Variants in FLOT1 observed in about 807,000 individuals in gnomAD.
FLOT1 encodes the protein flotillin 1.
A neutral mutation model predicts 58.4 loss-of-function variants in FLOT1; 40 were observed. That is an observed-to-expected ratio of 0.69 (90% confidence interval 0.53 to 0.89). The LOEUF is 0.89. Ranked by LOEUF, FLOT1 falls within the 40% of genes least tolerant of loss-of-function variation. The pLI is 0.00. For missense variants in FLOT1, 423 were observed against 540.8 expected, an observed-to-expected ratio of 0.78 and a Z score of 2.16; for synonymous variants, 178 against 204.2, an observed-to-expected ratio of 0.87 and a Z score of 1.09.
intron 8 of FLOT1, among the ~76,000 whole-genome samples, chr6:30,734,345 G>C (rs1411853419): frequency 6.9e-6 from 1 of 144,442 alleles, no homozygotes; most frequent in Non-Finnish European, 1.5e-5. Context: ...GTCTCGCTCT[G>C]TCACCCAGGC....
At chr6:30,731,124 T>G (rs1466440607) in intron 8 of FLOT1, 24 bp from the exon 9 acceptor site, 1 of 1,578,288 alleles carries the variant, frequency 6.3e-7, no homozygotes, top group African/African-American at 1.3e-5. Context: ...TGAAGTCAGG[T>G]TCACGCTCTG....
rs548658848 is a variant in FLOT1, at chr6:30,732,181, C to A, written c.724-1081G>T. ...ACGGGGTTTCACCATGTTGGCCAGGCTGGTCTCAAACTCCTGATCTCAAGT... is the reference window on the plus strand; with the variant it reads ...ACGGGGTTTCACCATGTTGGCCAGGATGGTCTCAAACTCCTGATCTCAAGT... On this transcript the variant is annotated intron_variant, in intron 8 of 12. Transcript: ENST00000376389. Among the ~76,000 whole-genome samples the A allele has an allele frequency of 4.6e-5, 7 of 152,118 alleles. No homozygotes were observed. The South Asian group carries it at 1.5e-3, about 32-fold the overall frequency.
chr6:30,741,960 G>A lies in FLOT1; in HGVS notation c.44-93C>T, dbSNP rs1778023497. On this transcript the variant is annotated intron_variant, in intron 2 of 12. Transcript: ENST00000376389. The surrounding 1 kb of genome is among the most constrained non-coding windows in gnomAD (Gnocchi z 5.9). ...GGTGAGGGGACAGCAACCCACAGGA[G>A]AGAATCTGGGAGCTGGAGGGGAAGC... 4.7e-6 allele frequency: 6 copies of A among 1,268,858 alleles called. No homozygotes were observed. The highest frequency in any genetic ancestry group is 6.8e-6 in the Non-Finnish European group (6 of 879,354). 78.6% of individuals were successfully genotyped at this position (1,268,858 alleles called of 1,614,324 possible).
At position 30,741,433 on chromosome 6, in the gene FLOT1, C is replaced by T. The variant is rs1220723234; in HGVS notation, c.211-100G>A. On this transcript the variant is annotated intron_variant, in intron 4 of 12. Transcript: ENST00000376389. This position sits in a 1 kb window ranked among gnomAD's most constrained non-coding sequence, Gnocchi z 5.9. ...AGAGCCCTCTAAGAAATGCTTCTTC[C>T]ATTTCAGGGAAAGAAAGGAGGAGGA... The T allele has an allele frequency of 1.3e-6, 2 of 1,499,052 alleles. No individual in the cohort carries two copies. The highest frequency in any genetic ancestry group is 2.3e-5 in the East Asian group (1 of 44,248). 92.9% of individuals were successfully genotyped at this position (1,499,052 alleles called of 1,614,324 possible).
intron 9 of FLOT1, 22 bp downstream of exon 9, chr6:30,730,897 G>A: frequency 6.2e-7 from 1 of 1,605,874 alleles, no homozygotes; most frequent in Non-Finnish European, 8.5e-7. Flanking sequence ...GAGCTAGGCA[G>A]GGTCAGGGAG....
intron 8 of FLOT1, among the ~76,000 whole-genome samples, chr6:30,734,321 T>C (rs898148299): frequency 2.0e-5 from 3 of 151,520 alleles, no homozygotes; most frequent in Non-Finnish European, 4.4e-5. Flanking sequence ...TTTTTTTTTT[T>C]TTTTGGAGAT....
intron 12 of FLOT1, among the ~76,000 whole-genome samples, chr6:30,728,364 C>A (rs964763501): frequency 6.6e-6 from 1 of 152,170 alleles, no homozygotes; most frequent in Non-Finnish European, 1.5e-5. Flanking sequence ...TGTTTGCACA[C>A]TCTCCTTAGC....
chr6:30,740,260 G>A lies in FLOT1; in HGVS notation c.621C>T (p.Ile207=), dbSNP rs1182798081. The change falls in exon 8 of 13, where the codon ATC becomes ATT. Residue 207 remains isoleucine, a synonymous_variant. Coordinates refer to ENST00000376389, the MANE Select transcript of FLOT1 (RefSeq NM_005803.4). ...EKVSAQYLSE[I]EMAKAQRDYE... Reference sequence around the variant, plus strand: ...AATCTCTCTGTGCCTTGGCCATCTCGATCTCACTCAGGTACTGAGCAGACA... The same window carrying A: ...AATCTCTCTGTGCCTTGGCCATCTCAATCTCACTCAGGTACTGAGCAGACA... The A allele has an allele frequency of 6.2e-7, 1 of 1,612,950 alleles. No individual in the cohort carries two copies. Among genetic ancestry groups the A allele is most frequent in the Non-Finnish European group, 8.5e-7 (1 of 1,179,978 alleles).
At chr6:30,729,013 CGT>C (rs1231925465) in intron 12 of FLOT1, among the ~76,000 whole-genome samples, 1 of 151,056 alleles carries the variant, frequency 6.6e-6, no homozygotes, top group Non-Finnish European at 1.5e-5. Context: ...CTCCTGACCT[CGT>C]GATCCGCCCG....
At chr6:30,730,771 A>T (rs1408027030) in intron 9 of FLOT1, 44 bp from the exon 10 acceptor site, 6 of 1,609,958 alleles carry the variant, frequency 3.7e-6, no homozygotes. Context: ...AGCAGCCCTT[A>T]CTCCCAGGAG....
At position 30,730,045 on chromosome 6, in the gene FLOT1, G is replaced by GTCTT; in HGVS notation, c.1227_1230dup (p.Leu411LysfsTer35). The GTCTT allele has an allele frequency of 6.2e-7, 1 of 1,613,060 alleles. No individual in the cohort carries two copies. The highest frequency in any genetic ancestry group is 8.5e-7 in the Non-Finnish European group (1 of 1,180,022). On this transcript the variant is annotated frameshift_variant, in exon 12 of 13. Coordinates refer to ENST00000376389, the MANE Select transcript of FLOT1 (RefSeq NM_005803.4). LOFTEE classifies it high-confidence loss of function. ...ACCTGGGAGATGCTCACGCCTGTGA[G>GTCTT]TCTTTCCACACTCTCTGGCAGGCGA... is the stretch of plus-strand genomic sequence containing the variant.
Position 30,741,532 on chromosome 6 carries a change from CTG to C in FLOT1, c.210+80_210+81del. 7.5e-7 allele frequency: 1 copy of C among 1,325,622 alleles called. No homozygotes were observed. The highest frequency in any genetic ancestry group is 2.3e-5 in the East Asian group (1 of 43,602). 82.1% of individuals were successfully genotyped at this position (1,325,622 alleles called of 1,614,324 possible). ...TCTCTGCAGGCAAGGGTTGAGAAGA[CTG>C]TGGCCAGAAGATGTCTTAATGTCTG... On this transcript the variant is annotated intron_variant, in intron 4 of 12. Transcript: ENST00000376389. This position sits in a 1 kb window ranked among gnomAD's most constrained non-coding sequence, Gnocchi z 5.9.
At chr6:30,736,521 A>T (rs1777577043) in intron 8 of FLOT1, 1 of 148,334 alleles carries the variant, frequency 6.7e-6, no homozygotes, top group Non-Finnish European at 1.5e-5. Context: ...TTTTGGCTTT[A>T]GTGAGGTTTT....
At chr6:30,735,903 T>C (rs1777531806) in intron 8 of FLOT1, among the ~76,000 whole-genome samples, 2 of 152,120 alleles carry the variant, frequency 1.3e-5, no homozygotes. Context: ...TGACTTCCAG[T>C]TTCCAAAATG....
chr6:30,737,274 A>G lies in FLOT1; in HGVS notation c.723+2884T>C, dbSNP rs116266465. Among the ~76,000 whole-genome samples, 67 of 151,136 alleles carry G rather than the reference A, an allele frequency of 4.4e-4. No individual in the cohort carries two copies. Among genetic ancestry groups the G allele is most frequent in the African/African-American group, 1.2e-3 (49 of 41,018 alleles). ...CATCCGTCCATCCATCCATCCATAT[A>G]TCTATCTTAGAAGGAGTCTCGCTCT... On this transcript the variant is annotated intron_variant, in intron 8 of 12. Coordinates refer to ENST00000376389, the MANE Select transcript of FLOT1 (RefSeq NM_005803.4). The surrounding 1 kb of genome is among the most constrained non-coding windows in gnomAD (Gnocchi z 4.4).
chr6:30,732,446 G>A (rs1317121349), intron 8 of FLOT1, among the ~76,000 whole-genome samples: 2 of 151,686 alleles, frequency 1.3e-5, no homozygotes, highest in Non-Finnish European at 2.9e-5. Context: ...TGACCTGCCT[G>A]GGCTCAGATG....
In FLOT1 at chr6:30,730,416, T is replaced by C. The variant is rs1255566485; in HGVS notation, c.1089+12A>G. 3 of 1,552,772 alleles carry C rather than the reference T, an allele frequency of 1.9e-6. No individual in the cohort carries two copies. Among genetic ancestry groups the C allele is most frequent in the East Asian group, 4.5e-5 (2 of 44,310 alleles). On this transcript the variant is annotated intron_variant, in intron 11 of 12. Coordinates refer to ENST00000376389, the MANE Select transcript of FLOT1 (RefSeq NM_005803.4). ...ATTTCCTCCTTTCTTGGTGCCCACA[T>C]GACCTCCAGACCTGGGGCAGCTTCT...
At chr6:30,730,322 A>C (rs1042079304) in intron 11 of FLOT1, 106 bp downstream of exon 11, 1 of 1,496,000 alleles carries the variant, frequency 6.7e-7, no homozygotes, top group Non-Finnish European at 9.1e-7. Context: ...CCCACCCCTA[A>C]TTTAGAGTCC....
intron 12 of FLOT1, among the ~76,000 whole-genome samples, chr6:30,729,359 G>A (rs922153345): frequency 4.0e-4 from 61 of 152,154 alleles, no homozygotes; most frequent in African/African-American, 1.3e-3. Context: ...GATTACAGGC[G>A]TAAGCCACTG....
Sources: gnomAD v4.1 joint callset for allele counts (sites outside exome capture counted in the v4.1 genomes callset) on GRCh38, gnomAD v4.1.1 for gene constraint, Gnocchi (gnomAD v3.1) non-coding constraint, MANE v1.5 for transcripts, NCBI Gene and HGNC (gene_info 2026-07-23, HGNC 2026-07-21) for gene names.